MOB3B: variants seen among roughly 807,000 people sequenced by gnomAD.
MOB3B encodes MOB kinase activator-like 2B.
In MOB3B, 7 loss-of-function variants were observed where a neutral mutation model predicts 18.7. The ratio of observed to expected loss-of-function variants is 0.37; its 90% CI spans 0.21 to 0.70. The LOEUF (loss-of-function observed/expected upper bound fraction) is 0.70, where lower values mean the gene tolerates loss of function less well. MOB3B is among the 30% of genes least tolerant of loss of function. The pLI, the probability that MOB3B is intolerant of heterozygous loss-of-function variation, is 0.52. For synonymous variants in MOB3B, 111 were observed against 99.9 expected (o/e 1.11, Z -0.66); for missense variants, 253 against 281.3 (o/e 0.90, Z 0.72).
chr9:27,380,712 T>A (rs1821565698), intron 2 of MOB3B, among the ~76,000 whole-genome samples: 1 of 150,232 alleles, frequency 6.7e-6, no homozygotes, highest in South Asian at 2.2e-4. Context: ...TCACCCTTGT[T>A]CTTGCTGTAG....
intron 1 of MOB3B, among the ~76,000 whole-genome samples, chr9:27,509,651 A>C (rs753504177): frequency 5.3e-5 from 8 of 152,084 alleles, no homozygotes; most frequent in Non-Finnish European, 1.0e-4. Flanking sequence ...TCCTGACCTC[A>C]AGTGCTCCAC....
chr9:27,457,765 G>A (rs1296074634), intron 1 of MOB3B, among the ~76,000 whole-genome samples: 1 of 152,094 alleles, frequency 6.6e-6, no homozygotes, highest in Non-Finnish European at 1.5e-5. Flanking sequence ...GGAAAAGCAG[G>A]TCACATGAAA....
intron 2 of MOB3B, among the ~76,000 whole-genome samples, chr9:27,405,817 G>A (rs1821960347): frequency 6.6e-6 from 1 of 152,102 alleles, no homozygotes; most frequent in African/African-American, 2.4e-5. Flanking sequence ...TAGAATGAAG[G>A]ACAAAAACCA....
At chr9:27,463,734 G>C (rs1426565859) in intron 1 of MOB3B, among the ~76,000 whole-genome samples, 2 of 152,164 alleles carry the variant, frequency 1.3e-5, no homozygotes, top group Non-Finnish European at 2.9e-5. Context: ...GCTGAGCCAG[G>C]CTGATTGCTT....
At chr9:27,334,012 C>T (rs767029396) in intron 3 of MOB3B, among the ~76,000 whole-genome samples, 1 of 152,220 alleles carries the variant, frequency 6.6e-6, no homozygotes, top group Non-Finnish European at 1.5e-5. Flanking sequence ...CTTTAAGATG[C>T]AATTGTCAGC....
intron 2 of MOB3B, among the ~76,000 whole-genome samples, chr9:27,399,993 C>A (rs1353180931): frequency 6.6e-6 from 1 of 152,120 alleles, no homozygotes; most frequent in East Asian, 1.9e-4. Context: ...TCCTTTCGAT[C>A]CCACAGCCCC....
chr9:27,498,352 T>C (rs1819933014), intron 1 of MOB3B, among the ~76,000 whole-genome samples: 1 of 152,148 alleles, frequency 6.6e-6, no homozygotes, highest in African/African-American at 2.4e-5. Flanking sequence ...TTAATTGGCT[T>C]TGGGAGTCGT....
intron 3 of MOB3B, among the ~76,000 whole-genome samples, chr9:27,333,708 A>G (rs1353654133): frequency 1.3e-5 from 2 of 152,242 alleles, no homozygotes; most frequent in African/African-American, 4.8e-5. Context: ...AGAAGATCAA[A>G]GTAGAATCTT....
chr9:27,344,609 C>T (rs1430743518), intron 3 of MOB3B, among the ~76,000 whole-genome samples: 50 of 151,942 alleles, frequency 3.3e-4, no homozygotes, highest in Admixed American at 3.3e-3. Flanking sequence ...GAGGAAACCA[C>T]AATAGAAACC....
chr9:27,399,139 T>C (rs753483349), intron 2 of MOB3B, among the ~76,000 whole-genome samples: 3 of 152,174 alleles, frequency 2.0e-5, no homozygotes, highest in Non-Finnish European at 4.4e-5. Context: ...CATGCATGAA[T>C]GACATTCCAT....
chr9:27,440,068 T>C (rs915666760), intron 2 of MOB3B, among the ~76,000 whole-genome samples: 2 of 152,188 alleles, frequency 1.3e-5, no homozygotes, highest in African/African-American at 4.8e-5. Context: ...AATCTAGATA[T>C]GACAAAACCT....
chr9:27,447,976 G>T, intron 2 of MOB3B, among the ~76,000 whole-genome samples: 1 of 152,136 alleles, frequency 6.6e-6, no homozygotes, highest in Admixed American at 6.5e-5. Flanking sequence ...GGGCCCAGTA[G>T]AGTTTGCATC....
At chr9:27,473,446 G>A (rs746163112) in intron 1 of MOB3B, among the ~76,000 whole-genome samples, 9 of 151,976 alleles carry the variant, frequency 5.9e-5, no homozygotes, top group Non-Finnish European at 7.4e-5. Context: ...TGGCCTTCAC[G>A]GTGCCCAGGA....
At chr9:27,503,898 C>A (rs1364086002) in intron 1 of MOB3B, among the ~76,000 whole-genome samples, 1 of 152,184 alleles carries the variant, frequency 6.6e-6, no homozygotes, top group Non-Finnish European at 1.5e-5. Flanking sequence ...TGCCTTAACT[C>A]GGGACCACTC....
intron 2 of MOB3B, among the ~76,000 whole-genome samples, chr9:27,376,816 G>A (rs1821496040): frequency 6.6e-6 from 1 of 152,202 alleles, no homozygotes; most frequent in Non-Finnish European, 1.5e-5. Context: ...GGGGACAAGG[G>A]TCCAGCAATC....
intron 1 of MOB3B, among the ~76,000 whole-genome samples, chr9:27,523,571 A>T (rs1820376164): frequency 6.6e-6 from 1 of 152,194 alleles, no homozygotes; most frequent in Non-Finnish European, 1.5e-5. Context: ...ACTTTTAAGA[A>T]AGGTATCAGA....
At chr9:27,451,583 T>C (rs1822785623) in intron 2 of MOB3B, among the ~76,000 whole-genome samples, 1 of 152,182 alleles carries the variant, frequency 6.6e-6, no homozygotes, top group East Asian at 1.9e-4. Context: ...GGATGAAGCT[T>C]TCACATCTGT....
chr9:27,451,259 T>C (rs1822778155), intron 2 of MOB3B, among the ~76,000 whole-genome samples: 1 of 152,150 alleles, frequency 6.6e-6, no homozygotes, highest in Non-Finnish European at 1.5e-5. Context: ...TGTCTAAAAA[T>C]GGTTAAAGAA....
At chr9:27,346,716 C>G (rs561342065) in intron 3 of MOB3B, among the ~76,000 whole-genome samples, 1 of 152,110 alleles carries the variant, frequency 6.6e-6, no homozygotes, top group Non-Finnish European at 1.5e-5. Context: ...CATTAGAGGC[C>G]GGGTGCGGTG....
Sources: allele counts gnomAD v4.1 joint callset (sites outside exome capture counted in the v4.1 genomes callset), GRCh38; gene constraint gnomAD v4.1.1; transcripts MANE v1.5; gene names NCBI Gene and HGNC (gene_info 2026-07-23, HGNC 2026-07-21).